BAIAP2L1: variants seen among roughly 807,000 people sequenced by gnomAD.
BAIAP2L1 encodes BAR/IMD domain-containing adapter protein 2-like 1.
In BAIAP2L1, 35 loss-of-function variants were observed where a neutral mutation model predicts 66.3. The ratio of observed to expected loss-of-function variants is 0.53; its 90% CI spans 0.40 to 0.70. The LOEUF is 0.70. BAIAP2L1 is among the 30% of genes least tolerant of loss of function. BAIAP2L1 has a pLI of 0.00. For missense variants in BAIAP2L1, 622 were observed against 656.9 expected (o/e 0.95, Z 0.58); for synonymous variants, 269 against 248.7 (o/e 1.08, Z -0.77).
chr7:98,298,348 C>T (rs555627957), intron 12 of BAIAP2L1, among the ~76,000 whole-genome samples: 69 of 152,298 alleles, frequency 4.5e-4, no homozygotes, highest in African/African-American at 1.5e-3. Flanking sequence ...TGCGGTGGCT[C>T]ACGCCTGTAA....
At chr7:98,315,327 C>T (rs1162600594) in intron 7 of BAIAP2L1, 133 bp downstream of exon 7, 1 of 771,156 alleles carries the variant, frequency 1.3e-6, no homozygotes, top group Non-Finnish European at 1.8e-6. Context: ...AGAGTTTTGC[C>T]ATGTTGCCCA....
At chr7:98,379,255 TCA>T (rs1802704017) in intron 1 of BAIAP2L1, among the ~76,000 whole-genome samples, 1 of 152,130 alleles carries the variant, frequency 6.6e-6, no homozygotes, top group African/African-American at 2.4e-5. Flanking sequence ...GATTAATGCC[TCA>T]CAGTGTTCTC....
intron 10 of BAIAP2L1, 95 bp from the exon 11 acceptor site, chr7:98,306,611 C>T: frequency 3.2e-6 from 5 of 1,563,796 alleles, no homozygotes; most frequent in South Asian, 2.3e-5. Flanking sequence ...GCAGACAGGT[C>T]CACTGCTCCA....
At chr7:98,346,750 A>G (rs1273330560) in intron 3 of BAIAP2L1, among the ~76,000 whole-genome samples, 1 of 152,196 alleles carries the variant, frequency 6.6e-6, no homozygotes, top group Non-Finnish European at 1.5e-5. Flanking sequence ...AAAATGAGTA[A>G]CTACAAGAGA....
intron 12 of BAIAP2L1, among the ~76,000 whole-genome samples, chr7:98,302,296 A>G (rs1293116933): frequency 2.6e-5 from 4 of 152,202 alleles, no homozygotes; most frequent in Non-Finnish European, 4.4e-5. Flanking sequence ...CTAACACTGA[A>G]GACTATCCAG....
intron 1 of BAIAP2L1, chr7:98,385,928 G>C: frequency 2.8e-6 from 4 of 1,452,828 alleles, no homozygotes; most frequent in Non-Finnish European, 3.8e-6. Flanking sequence ...TCAAACTTGG[G>C]CTTCTTCAGC....
chr7:98,383,540 G>A lies in BAIAP2L1; in HGVS notation c.51+17262C>T, dbSNP rs1311291227. On this transcript the variant is annotated intron_variant, in intron 1 of 13. Coordinates refer to ENST00000005260, the MANE Select transcript of BAIAP2L1 (RefSeq NM_018842.5). ...GACCTCAGGTGATCCACCCACCTCG[G>A]CCTCCCAAAGTGCTGGGATTACAGG... Among the ~76,000 whole-genome samples, 7 of 151,916 alleles carry A rather than the reference G, an allele frequency of 4.6e-5. No homozygotes were observed. The East Asian group carries it at 1.4e-3, about 30-fold the overall frequency.
chr7:98,299,409 C>T (rs1389786874), intron 12 of BAIAP2L1, among the ~76,000 whole-genome samples: 3 of 152,202 alleles, frequency 2.0e-5, no homozygotes, highest in African/African-American at 4.8e-5. Context: ...CCTCCCGCCT[C>T]GGCCTCCCAA....
rs1803307548 is a variant in BAIAP2L1 at position 98,399,758 on chromosome 7, T to C, written c.51+1044A>G. On this transcript the variant is annotated intron_variant, in intron 1 of 13. Coordinates refer to ENST00000005260, the MANE Select transcript of BAIAP2L1 (RefSeq NM_018842.5). ...ACAGGCCACTAATCCTAAGTCTCTG[T>C]CTGTGTCTGGAAAAATTCTCTCCTA... Among the ~76,000 whole-genome samples the C allele has an allele frequency of 3.3e-5, 5 of 152,220 alleles. No homozygotes were observed. The South Asian group carries it at 1.0e-3, about 31-fold the overall frequency.
intron 2 of BAIAP2L1, among the ~76,000 whole-genome samples, chr7:98,357,035 ATATATATATATATATTTTTTTT>A (rs1382118494): frequency 6.0e-5 from 1 of 16,612 alleles, no homozygotes; most frequent in African/African-American, 2.3e-4. Context: ...ATATATATAT[ATATATATATATATATTTTTTTT>A]TTTTTTTTTT....
chr7:98,321,725 G>A (rs1388653428), intron 3 of BAIAP2L1, among the ~76,000 whole-genome samples: 3 of 152,222 alleles, frequency 2.0e-5, no homozygotes, highest in Admixed American at 6.5e-5. Context: ...TGGAACCACC[G>A]TTACCACCAC....
At chr7:98,335,466 T>C (rs1801597641) in intron 3 of BAIAP2L1, among the ~76,000 whole-genome samples, 1 of 152,216 alleles carries the variant, frequency 6.6e-6, no homozygotes, top group Admixed American at 6.5e-5. Context: ...ATATATTTCA[T>C]CATCTCCTTT....
At chr7:98,310,412 G>T in intron 9 of BAIAP2L1, 33 bp downstream of exon 9, 1 of 1,557,796 alleles carries the variant, frequency 6.4e-7, no homozygotes, top group Non-Finnish European at 8.7e-7. Flanking sequence ...AATGTAAAAG[G>T]TATCTTCAAA....
intron 1 of BAIAP2L1, among the ~76,000 whole-genome samples, chr7:98,385,159 T>C (rs1297539507): frequency 2.6e-5 from 4 of 151,702 alleles, no homozygotes; most frequent in Non-Finnish European, 5.9e-5. Flanking sequence ...AATACAAAAA[T>C]TAGCCAGGCA....
chr7:98,324,389 A>T (rs747869170), intron 3 of BAIAP2L1, among the ~76,000 whole-genome samples: 1 of 152,230 alleles, frequency 6.6e-6, no homozygotes, highest in Non-Finnish European at 1.5e-5. Context: ...ACAAAAAAAG[A>T]ATGGTTAATG....
rs761888805 is a variant in BAIAP2L1 at position 98,313,827 on chromosome 7, G to A, written c.640-1563C>T. Among the ~76,000 whole-genome samples, 25 of 146,632 alleles carry A rather than the reference G, an allele frequency of 1.7e-4. No homozygotes were observed. The South Asian group carries it at 3.9e-3, about 23-fold the overall frequency. ...TTTTTTTTGGTAGAGATAGGGTCTC[G>A]CTATGCTGCCCAGGCTGGTCTGGAA... On this transcript the variant is annotated intron_variant, in intron 7 of 13. Transcript: ENST00000005260.
chr7:98,343,316 T>C (rs1190823306), intron 3 of BAIAP2L1, among the ~76,000 whole-genome samples: 2 of 148,642 alleles, frequency 1.3e-5, no homozygotes, highest in East Asian at 4.0e-4. Flanking sequence ...CTGGGTGTGG[T>C]GGCAGGCGCC....
At chr7:98,369,662 A>C (rs1336983236) in intron 1 of BAIAP2L1, among the ~76,000 whole-genome samples, 2 of 117,744 alleles carry the variant, frequency 1.7e-5, no homozygotes, top group Admixed American at 1.1e-4. Context: ...TTGATTTCCT[A>C]ATTTTTTTTT....
chr7:98,397,911 A>C (rs1241787505), intron 1 of BAIAP2L1, among the ~76,000 whole-genome samples: 3 of 152,146 alleles, frequency 2.0e-5, no homozygotes, highest in African/African-American at 7.2e-5. Context: ...GTTAGCATGG[A>C]TCTCCCATAA....
Sources: allele counts gnomAD v4.1 joint callset (sites outside exome capture counted in the v4.1 genomes callset), GRCh38; gene constraint gnomAD v4.1.1; transcripts MANE v1.5; gene names NCBI Gene and HGNC (gene_info 2026-07-23, HGNC 2026-07-21).